Variants in COL5A2 observed in about 807,000 individuals in gnomAD.
COL5A2 encodes the protein collagen type V alpha 2 chain, also known as collagen alpha-2(V) chain.
Under a neutral mutation model 208.2 loss-of-function variants are expected in COL5A2, and 23 were observed. The ratio of observed to expected loss-of-function variants is 0.11; its 90% CI spans 0.08 to 0.16. The LOEUF is 0.16. COL5A2 is among the 10% of genes least tolerant of loss of function. The probability of loss-of-function intolerance (pLI) is 1.00; values close to 1 mark genes in which losing one functional copy is unlikely to be tolerated. For synonymous variants in COL5A2, 625 were observed against 628.5 expected, an observed-to-expected ratio of 0.99 and a Z score of 0.08; for missense variants, 1,590 against 1,956.4, an observed-to-expected ratio of 0.81 and a Z score of 3.53.
At chr2:189,395,422 A>G in the COL5A2 span, among the ~76,000 whole-genome samples, 7 of 152,370 alleles carry the variant, frequency 4.6e-5, no homozygotes, top group Middle Eastern at 6.8e-3. Flanking sequence ...CTTGAAATTC[A>G]TAACAAAAAA....
chr2:189,086,891 A>C (rs1249550320), intron 8 of COL5A2, 121 bp from the exon 9 acceptor site: 1 of 800,454 alleles, frequency 1.2e-6, no homozygotes. Context: ...GGGGATGATG[A>C]CATTCTCCAT....
chr2:189,345,383 A>C, the COL5A2 span, among the ~76,000 whole-genome samples: 1 of 152,190 alleles, frequency 6.6e-6, no homozygotes, highest in Non-Finnish European at 1.5e-5. Flanking sequence ...ATATGGATTT[A>C]GGAGTCTTCA....
chr2:189,093,930 G>A (rs1232549565), intron 6 of COL5A2, among the ~76,000 whole-genome samples: 1 of 152,170 alleles, frequency 6.6e-6, no homozygotes, highest in Non-Finnish European at 1.5e-5. Context: ...ATGCTCAGTT[G>A]CTAATTAATA....
chr2:189,242,077 A>G, the COL5A2 span, among the ~76,000 whole-genome samples: 1 of 152,196 alleles, frequency 6.6e-6, no homozygotes, highest in Non-Finnish European at 1.5e-5. Context: ...TTGACTTATA[A>G]AGACATTTAA....
At chr2:189,302,634 A>G in the COL5A2 span, among the ~76,000 whole-genome samples, 2 of 152,218 alleles carry the variant, frequency 1.3e-5, no homozygotes, top group South Asian at 2.1e-4. Flanking sequence ...AGGTCCAAAA[A>G]TAATGAAAGG....
chr2:189,097,610 G>A, intron 5 of COL5A2: 1 of 604,672 alleles, frequency 1.7e-6, no homozygotes, highest in Non-Finnish European at 3.1e-6. Flanking sequence ...ACTAGTAATT[G>A]CAAATTTTTA....
At position 189,179,599 on chromosome 2, in the gene COL5A2, C is replaced by T; in HGVS notation, c.6G>A (p.Met2Ile). 1 of 1,604,016 alleles carries T rather than the reference C, an allele frequency of 6.2e-7. No individual in the cohort carries two copies. The highest frequency in any genetic ancestry group is 8.5e-7 in the Non-Finnish European group (1 of 1,173,854). The change falls in exon 1 of 54, where the codon ATG becomes ATA. Residue 2 changes from methionine to isoleucine, a missense_variant. Met to Ile is a conservative substitution (Grantham distance 10). Coordinates refer to ENST00000374866, the MANE Select transcript of COL5A2 (RefSeq NM_000393.5). ...GAGGTCTTGCTTCCGCCCAGTTTGC[C>T]ATCATGTCTAAATATTAGACATGTG... is the stretch of plus-strand genomic sequence containing the variant. M[M>I]ANWAEARPLL...
intron 43 of COL5A2, among the ~76,000 whole-genome samples, chr2:189,050,202 A>T (rs555793105): frequency 3.9e-4 from 60 of 152,272 alleles, no homozygotes; most frequent in African/African-American, 1.4e-3. Context: ...GGTTTACTGT[A>T]AAATATGGTA....
At chr2:189,046,525 G>A (rs76890219) in intron 45 of COL5A2, among the ~76,000 whole-genome samples, 2,393 of 152,200 alleles carry the variant, frequency 0.016, 25 homozygotes, top group Non-Finnish European at 0.021. Flanking sequence ...ATAAAGCTAC[G>A]AAGGATTTGG....
intron 1 of COL5A2, among the ~76,000 whole-genome samples, chr2:189,159,390 C>A (rs892464226): frequency 1.3e-5 from 2 of 152,112 alleles, no homozygotes; most frequent in Non-Finnish European, 2.9e-5. Context: ...AATCCAGAGA[C>A]CCAGAAAGCA....
At chr2:189,157,812 A>G (rs906074046) in intron 1 of COL5A2, among the ~76,000 whole-genome samples, 1 of 152,008 alleles carries the variant, frequency 6.6e-6, no homozygotes, top group Non-Finnish European at 1.5e-5. Context: ...CTATCAATGA[A>G]ATCACTGCAA....
intron 1 of COL5A2, among the ~76,000 whole-genome samples, chr2:189,190,114 G>T (rs1387092523): frequency 6.6e-6 from 1 of 152,038 alleles, no homozygotes; most frequent in East Asian, 1.9e-4. Flanking sequence ...CTACAAAAAA[G>T]GGGGGGTCAT....
intron 1 of COL5A2, among the ~76,000 whole-genome samples, chr2:189,178,062 TCTA>T (rs576815471): frequency 1.8e-4 from 28 of 152,148 alleles, no homozygotes; most frequent in Non-Finnish European, 3.4e-4. Context: ...CCTGTTTTCT[TCTA>T]CTTTCTATTC....
At chr2:189,241,717 C>G in the COL5A2 span, among the ~76,000 whole-genome samples, 1 of 152,120 alleles carries the variant, frequency 6.6e-6, no homozygotes, top group Non-Finnish European at 1.5e-5. Context: ...TCCCAATATC[C>G]TTTATTCTCT....
chr2:189,160,483 T>A (rs1688338405), intron 1 of COL5A2, among the ~76,000 whole-genome samples: 2 of 152,112 alleles, frequency 1.3e-5, no homozygotes, highest in South Asian at 4.1e-4. Flanking sequence ...AACAGCCTAC[T>A]CTGCCATCTG....
chr2:189,434,324 G>C, the COL5A2 span, among the ~76,000 whole-genome samples: 1 of 152,102 alleles, frequency 6.6e-6, no homozygotes, highest in African/African-American at 2.4e-5. Context: ...TGGAAGTTCT[G>C]GCCAGGGTAA....
intron 1 of COL5A2, among the ~76,000 whole-genome samples, chr2:189,139,227 A>G (rs1687886664): frequency 6.6e-6 from 1 of 152,140 alleles, no homozygotes; most frequent in Admixed American, 6.5e-5. Flanking sequence ...GGGAGCTGAG[A>G]TCACGCCATT....
At chr2:189,263,896 A>G in the COL5A2 span, among the ~76,000 whole-genome samples, 1 of 152,270 alleles carries the variant, frequency 6.6e-6, no homozygotes, top group Admixed American at 6.5e-5. Context: ...CTCAAAATAT[A>G]TCTCCATCAT....
the COL5A2 span, among the ~76,000 whole-genome samples, chr2:189,383,739 TTGTTA>T: frequency 6.6e-6 from 1 of 152,172 alleles, no homozygotes; most frequent in Admixed American, 6.6e-5. Context: ...CCTCAAACAT[TTGTTA>T]TTTTTTGTGT....
Sources: allele counts gnomAD v4.1 joint callset (sites outside exome capture counted in the v4.1 genomes callset), GRCh38; gene constraint gnomAD v4.1.1; transcripts MANE v1.5; gene names NCBI Gene and HGNC (gene_info 2026-07-23, HGNC 2026-07-21).